Variants in MYBPHL observed in about 807,000 individuals in gnomAD.
The protein encoded by MYBPHL is myosin binding protein H like, also known as myosin-binding protein H-like.
A neutral mutation model predicts 39.5 loss-of-function variants in MYBPHL; 32 were observed. The observed-to-expected ratio is 0.81, with a 90% CI of 0.61 to 1.09. The LOEUF is 1.09. Ranked by LOEUF, MYBPHL falls within the 50% of genes least tolerant of loss-of-function variation. MYBPHL has a pLI of 0.00. For missense variants in MYBPHL, 456 were observed against 460.2 expected, an observed-to-expected ratio of 0.99 and a Z score of 0.08; for synonymous variants, 196 against 183.7, an observed-to-expected ratio of 1.07 and a Z score of -0.54.
chr1:109,298,306 A>G, intron 1 of MYBPHL, 49 bp from the exon 2 acceptor site: 1 of 1,538,270 alleles, frequency 6.5e-7, no homozygotes, highest in Non-Finnish European at 8.9e-7. Context: ...CAGAGAAAGT[A>G]AATCCTGCAT....
Position 109,296,261 on chromosome 1 carries a change from G to C in MYBPHL, c.840C>G (p.Leu280=). The C allele has an allele frequency of 6.2e-7, 1 of 1,613,956 alleles. No individual in the cohort carries two copies. ...CTTVTGYNTQ[L]FCCVRASPRP... ...GGGGAGAGGCGCGGACACAGCAGAA[G>C]AGCTGGGTATTATAGCCGGTGACTG... is the stretch of plus-strand genomic sequence containing the variant. The change falls in exon 6 of 9, where the codon CTC becomes CTG. Residue 280 remains leucine (L), a synonymous_variant. Coordinates refer to ENST00000357155, the MANE Select transcript of MYBPHL (RefSeq NM_001010985.3).
At chr1:109,297,309 A>G in intron 3 of MYBPHL, 113 bp downstream of exon 3, 1 of 1,564,570 alleles carries the variant, frequency 6.4e-7, no homozygotes, top group Non-Finnish European at 8.7e-7. Context: ...CCTGTGTCCC[A>G]GACATGACGT....
At chr1:109,298,075 G>T in intron 2 of MYBPHL, 94 bp downstream of exon 2, 1 of 1,052,580 alleles carries the variant, frequency 9.5e-7, no homozygotes, top group South Asian at 1.5e-5. Flanking sequence ...TGGGAAGATT[G>T]CCCCTCTGCT....
chr1:109,294,143 C>T (rs767785548), intron 8 of MYBPHL, 63 bp downstream of exon 8: 149 of 1,127,012 alleles, frequency 1.3e-4, no homozygotes, highest in Non-Finnish European at 2.0e-4. Context: ...CTGTCCCTGA[C>T]TCAACAACAC....
At position 109,294,233 on chromosome 1, in the gene MYBPHL, G is replaced by A. The variant is rs542558012; in HGVS notation, c.*6C>T. ...TTGTCAGAGTACCATGCCTTCTTAG[G>A]TGTCCTCAATTAGGAACTGTAATAA... is the stretch of plus-strand genomic sequence containing the variant. On this transcript the variant is annotated 3_prime_UTR_variant, in exon 8 of 9. Coordinates refer to ENST00000357155, the MANE Select transcript of MYBPHL (RefSeq NM_001010985.3). 3.1e-6 allele frequency: 5 copies of A among 1,607,916 alleles called. No homozygotes were observed. The African/African-American group carries it at 5.3e-5, about 17-fold the overall frequency.
chr1:109,295,453 T>G (rs1406110350), intron 6 of MYBPHL, among the ~76,000 whole-genome samples, 156 bp from the exon 7 acceptor site: 1 of 152,220 alleles, frequency 6.6e-6, no homozygotes, highest in Admixed American at 6.5e-5. Flanking sequence ...CCCCTTCCAG[T>G]GCCACCAGCA....
At chr1:109,305,901 C>G (rs1658449227) in intron 1 of MYBPHL, among the ~76,000 whole-genome samples, 1 of 152,214 alleles carries the variant, frequency 6.6e-6, no homozygotes, top group Non-Finnish European at 1.5e-5. Flanking sequence ...ATCATCTCAG[C>G]AATCCTTTCA....
rs1466223044 is a variant in MYBPHL at position 109,304,667 on chromosome 1, G to T, written c.145+2180C>A. Among the ~76,000 whole-genome samples, 3 of 152,164 alleles carry T rather than the reference G, an allele frequency of 2.0e-5. No homozygotes were observed. In the East Asian group the frequency reaches 5.8e-4, roughly 29 times the overall value. The stretch of plus-strand genomic sequence containing the variant: ...CCGAGTGTCACATTGTCCATGGGAG[G>T]GATGCAGCTTGTTCCCCAGCCTCTC... On this transcript the variant is annotated intron_variant, in intron 1 of 8. Coordinates refer to ENST00000357155, the MANE Select transcript of MYBPHL (RefSeq NM_001010985.3).
chr1:109,300,779 TGCCCG>T (rs1658249051), intron 1 of MYBPHL, among the ~76,000 whole-genome samples: 2 of 150,916 alleles, frequency 1.3e-5, no homozygotes, highest in African/African-American at 5.0e-5. Context: ...GGAAGGAGGC[TGCCCG>T]CGAGGACGGC....
chr1:109,293,771 A>T (rs1657950965), intron 8 of MYBPHL, among the ~76,000 whole-genome samples: 1 of 150,282 alleles, frequency 6.7e-6, no homozygotes, highest in Non-Finnish European at 1.5e-5. Flanking sequence ...AAATATAAAA[A>T]TGGTTACAAC....
chr1:109,303,322 G>A (rs1658357310), intron 1 of MYBPHL, among the ~76,000 whole-genome samples: 2 of 151,996 alleles, frequency 1.3e-5, no homozygotes, highest in Admixed American at 1.3e-4. Flanking sequence ...TAGATTGCAC[G>A]GTCATTATTA....
chr1:109,296,871 G>C lies in MYBPHL; in HGVS notation c.642C>G (p.Ser214=). The change falls in exon 5 of 9, where the codon TCC becomes TCG. Residue 214 remains serine (S), a synonymous_variant. Transcript: ENST00000357155. ...TTTCAGCAAAGACACGGAAGGCATA[G>C]GAGTTGCCGATGATGAGGTCAGAGA... ...CIVSDLIIGN[S]YAFRVFAENQ... 9 of 1,614,194 alleles carry C rather than the reference G, an allele frequency of 5.6e-6. No homozygotes were observed. The highest frequency in any genetic ancestry group is 7.6e-6 in the Non-Finnish European group (9 of 1,180,034).
chr1:109,296,797 TG>T lies in MYBPHL; in HGVS notation c.715del (p.His239ThrfsTer57). The T allele has an allele frequency of 6.2e-7, 1 of 1,614,142 alleles. No individual in the cohort carries two copies. Among genetic ancestry groups the T allele is most frequent in the Non-Finnish European group, 8.5e-7 (1 of 1,180,020 alleles). ...GCCTCCCTTACCTGCTTTCTGGATG[TG>T]GGCGAGGTCCGTAGTGATGGGGGCT... Reference protein sequence around the residue: ...ETAPITTDLAHIQKAATVYKT... With the variant: ...ETAPITTDLAXIQKAATVYKT... On this transcript the variant is annotated frameshift_variant, in exon 5 of 9. Coordinates refer to ENST00000357155, the MANE Select transcript of MYBPHL (RefSeq NM_001010985.3). LOFTEE classifies it high-confidence loss of function.
chr1:109,302,577 T>C (rs1658331082), intron 1 of MYBPHL, among the ~76,000 whole-genome samples: 1 of 152,170 alleles, frequency 6.6e-6, no homozygotes, highest in Non-Finnish European at 1.5e-5. Flanking sequence ...CCATGCGGTA[T>C]GCCTCTCCAG....
At chr1:109,297,267 T>A in intron 3 of MYBPHL, 78 bp from the exon 4 acceptor site, 1 of 1,597,176 alleles carries the variant, frequency 6.3e-7, no homozygotes, top group South Asian at 1.1e-5. Flanking sequence ...CCCTAGCCCC[T>A]TTTTCTCCTC....
chr1:109,301,058 C>T (rs753192815), intron 1 of MYBPHL, among the ~76,000 whole-genome samples: 3 of 152,216 alleles, frequency 2.0e-5, no homozygotes, highest in Non-Finnish European at 2.9e-5. Context: ...CTCCAATCGC[C>T]TCTCAACCCA....
chr1:109,304,790 T>C (rs1658409091), intron 1 of MYBPHL, among the ~76,000 whole-genome samples: 1 of 152,242 alleles, frequency 6.6e-6, no homozygotes, highest in Non-Finnish European at 1.5e-5. Flanking sequence ...TGTTTACCAA[T>C]GCTGGCCACC....
At chr1:109,298,828 G>A (rs1417114525) in intron 1 of MYBPHL, among the ~76,000 whole-genome samples, 1 of 151,966 alleles carries the variant, frequency 6.6e-6, no homozygotes, top group East Asian at 1.9e-4. Context: ...TCCTCTGCAT[G>A]GCCACTCTGC....
At chr1:109,297,355 T>C in intron 3 of MYBPHL, 67 bp downstream of exon 3, 1 of 1,568,406 alleles carries the variant, frequency 6.4e-7, no homozygotes, top group Non-Finnish European at 8.7e-7. Context: ...CTCTCTGAGC[T>C]GGCTCCTCTT....
Sources: gnomAD v4.1 joint callset for allele counts (sites outside exome capture counted in the v4.1 genomes callset) on GRCh38, gnomAD v4.1.1 for gene constraint, MANE v1.5 for transcripts, NCBI Gene and HGNC (gene_info 2026-07-23, HGNC 2026-07-21) for gene names.